The following ITGAE variants were observed in gnomAD, a reference collection of about 807,000 sequenced individuals.
ITGAE encodes the protein integrin subunit alpha E, also known as integrin alpha-E.
A neutral mutation model predicts 136.5 loss-of-function variants in ITGAE; 99 were observed. That is an observed-to-expected ratio of 0.73 (90% CI 0.62 to 0.86). ITGAE has a LOEUF of 0.86. ITGAE is among the 40% of genes least tolerant of loss of function. The probability of loss-of-function intolerance (pLI) is 0.00; values close to 1 mark genes in which losing one functional copy is unlikely to be tolerated. For missense variants in ITGAE, 1,447 were observed against 1,515.3 expected, an observed-to-expected ratio of 0.95 and a Z score of 0.75; for synonymous variants, 613 against 591.8, an observed-to-expected ratio of 1.04 and a Z score of -0.52.
intron 1 of ITGAE, among the ~76,000 whole-genome samples, chr17:3,796,164 TGC>T (rs1567565825): frequency 5.8e-5 from 2 of 34,642 alleles, no homozygotes; most frequent in African/African-American, 1.6e-4. Flanking sequence ...TGTGTGTGTG[TGC>T]ATCCGTGTGT....
intron 12 of ITGAE, 26 bp from the exon 13 acceptor site, chr17:3,753,951 A>G (rs1349231290): frequency 2.5e-6 from 4 of 1,608,622 alleles, no homozygotes; most frequent in Non-Finnish European, 3.4e-6. Flanking sequence ...TGTGGCTGTG[A>G]ACACACCGTG....
chr17:3,767,520 A>C (rs1463315326), intron 2 of ITGAE, among the ~76,000 whole-genome samples: 2 of 152,226 alleles, frequency 1.3e-5, no homozygotes, highest in Non-Finnish European at 2.9e-5. Flanking sequence ...AGCATGAGCC[A>C]CCGTGCCTGA....
intron 3 of ITGAE, among the ~76,000 whole-genome samples, chr17:3,762,841 G>A (rs900255065): frequency 1.3e-5 from 2 of 151,152 alleles, no homozygotes; most frequent in South Asian, 2.1e-4. Flanking sequence ...ACCCATGATC[G>A]GCCCACCTCA....
At chr17:3,793,535 G>A (rs974075180) in intron 1 of ITGAE, among the ~76,000 whole-genome samples, 1 of 152,214 alleles carries the variant, frequency 6.6e-6, no homozygotes, top group Non-Finnish European at 1.5e-5. Context: ...GATTCGTGGG[G>A]GAGCAGCAGG....
chr17:3,768,045 C>T (rs1211196414), intron 2 of ITGAE, among the ~76,000 whole-genome samples: 1 of 152,174 alleles, frequency 6.6e-6, no homozygotes, highest in Non-Finnish European at 1.5e-5. Flanking sequence ...AGACTTCTGG[C>T]CTCCAAAACT....
At chr17:3,726,519 T>A in intron 26 of ITGAE, 2 of 589,082 alleles carry the variant, frequency 3.4e-6, no homozygotes, top group Non-Finnish European at 6.1e-6. Flanking sequence ...AATTTGCTGA[T>A]AACAAATGTT....
At chr17:3,724,230 A>T in intron 26 of ITGAE, 1 of 1,593,496 alleles carries the variant, frequency 6.3e-7, no homozygotes, top group Non-Finnish European at 8.5e-7. Flanking sequence ...CGTGACCCCA[A>T]AGCGCTGGAA....
intron 16 of ITGAE, among the ~76,000 whole-genome samples, chr17:3,749,733 C>A (rs556584825): frequency 6.6e-6 from 1 of 152,094 alleles, no homozygotes; most frequent in African/African-American, 2.4e-5. Flanking sequence ...CTCTGCAATT[C>A]TTGGCCAGGC....
At chr17:3,760,660 G>A (rs999192819) in intron 6 of ITGAE, among the ~76,000 whole-genome samples, 2 of 151,754 alleles carry the variant, frequency 1.3e-5, no homozygotes, top group Non-Finnish European at 2.9e-5. Flanking sequence ...GGCTGGTCTT[G>A]AACTCCTGAC....
Position 3,724,325 on chromosome 17 carries a change from C to T in ITGAE, c.3085-581G>A, listed in dbSNP as rs1185511. On this transcript the variant is annotated intron_variant, in intron 26 of 30. Coordinates refer to ENST00000263087, the MANE Select transcript of ITGAE (RefSeq NM_002208.5). ...CCCCGCAGAAGTGCAGCACACCCTG[C>T]GGCCCGCTCCGACTTCCGCCCTTCC... 41,752 of 1,586,646 alleles carry T rather than the reference C, an allele frequency of 0.026. 8,942 individuals carry two copies. In the African/African-American group the frequency reaches 0.48, roughly 18 times the overall value.
At chr17:3,738,180 C>G (rs146462070) in intron 20 of ITGAE, among the ~76,000 whole-genome samples, 10 of 151,892 alleles carry the variant, frequency 6.6e-5, no homozygotes, top group East Asian at 5.8e-4. Flanking sequence ...TACCCTCCCC[C>G]CCTCCCCGTT....
intron 1 of ITGAE, among the ~76,000 whole-genome samples, chr17:3,784,143 C>G (rs2052729039): frequency 6.6e-6 from 1 of 151,916 alleles, no homozygotes; most frequent in African/African-American, 2.4e-5. Flanking sequence ...GCCTGTAGTC[C>G]CAGCTACTCG....
chr17:3,735,051 T>TCATTGCACCACA, intron 20 of ITGAE, 102 bp from the exon 21 acceptor site: 1 of 1,305,070 alleles, frequency 7.7e-7, no homozygotes, highest in Non-Finnish European at 1.1e-6. Context: ...GGTGCTGTGG[T>TCATTGCACCACA]GCAATGATCA....
chr17:3,766,208 A>G (rs952592946), intron 2 of ITGAE, among the ~76,000 whole-genome samples: 1 of 152,088 alleles, frequency 6.6e-6, no homozygotes, highest in African/African-American at 2.4e-5. Flanking sequence ...GAATGCTGGG[A>G]GCCTCCCAAG....
intron 2 of ITGAE, among the ~76,000 whole-genome samples, chr17:3,775,569 C>T (rs1474353147): frequency 1.3e-5 from 2 of 152,142 alleles, no homozygotes; most frequent in Non-Finnish European, 1.5e-5. Flanking sequence ...AAGCAATTCT[C>T]CTGCCTCAGC....
intron 26 of ITGAE, among the ~76,000 whole-genome samples, chr17:3,727,469 G>A (rs2051240533): frequency 6.6e-6 from 1 of 150,462 alleles, no homozygotes; most frequent in African/African-American, 2.4e-5. Context: ...GCAGGATCTC[G>A]GCTCACTGCA....
At chr17:3,771,664 G>C (rs763502972) in intron 2 of ITGAE, among the ~76,000 whole-genome samples, 1 of 150,566 alleles carries the variant, frequency 6.6e-6, no homozygotes, top group Non-Finnish European at 1.5e-5. Context: ...CCTCTCCTAA[G>C]TAGCTGGGAT....
intron 11 of ITGAE, 124 bp downstream of exon 11, chr17:3,755,704 GCT>G: frequency 3.3e-6 from 2 of 606,784 alleles, no homozygotes; most frequent in Non-Finnish European, 5.6e-6. Context: ...AAATAAAATC[GCT>G]CTTTTACAGG....
rs2053180039 is a variant in ITGAE at position 3,798,666 on chromosome 17, G to A, written c.34+2445C>T. Among the ~76,000 whole-genome samples, 1 of 152,218 alleles carries A rather than the reference G, an allele frequency of 6.6e-6. No individual in the cohort carries two copies. The highest frequency in any genetic ancestry group is 2.4e-5 in the African/African-American group (1 of 41,462). ...CGAGTGCGTGCCACCAGCAGAGCGG[G>A]CCCTGGACTTCTGGTTCCTTCTTCT... On this transcript the variant is annotated intron_variant, in intron 1 of 30. Coordinates refer to ENST00000263087, the MANE Select transcript of ITGAE (RefSeq NM_002208.5). This position sits in a 1 kb window ranked among gnomAD's most constrained non-coding sequence, Gnocchi z 4.3.
Sources: allele counts gnomAD v4.1 joint callset (sites outside exome capture counted in the v4.1 genomes callset), GRCh38; gene constraint gnomAD v4.1.1; non-coding constraint Gnocchi (gnomAD v3.1); transcripts MANE v1.5; gene names NCBI Gene and HGNC (gene_info 2026-07-23, HGNC 2026-07-21).